The following ARHGAP15 variants were observed in gnomAD, a reference collection of about 807,000 sequenced individuals.
The protein encoded by ARHGAP15 is Rho GTPase activating protein 15, also known as rho GTPase-activating protein 15.
A neutral mutation model predicts 63.7 loss-of-function variants in ARHGAP15; 51 were observed. The ratio of observed to expected loss-of-function variants is 0.80; its 90% CI spans 0.64 to 1.01. ARHGAP15 has a LOEUF of 1.01. Ranked by LOEUF, ARHGAP15 falls within the 50% of genes least tolerant of loss-of-function variation. ARHGAP15 has a pLI of 0.00. For synonymous variants in ARHGAP15, 191 were observed against 193.8 expected, an observed-to-expected ratio of 0.99 and a Z score of 0.12; for missense variants, 560 against 564.6, an observed-to-expected ratio of 0.99 and a Z score of 0.08.
chr2:143,555,061 TATCTC>T (rs2105082920), intron 10 of ARHGAP15, among the ~76,000 whole-genome samples: 1 of 152,274 alleles, frequency 6.6e-6, no homozygotes, highest in Non-Finnish European at 1.5e-5. Flanking sequence ...TTATTGCAAT[TATCTC>T]AAGTAACCCT....
chr2:143,147,520 T>A (rs1341143992), intron 1 of ARHGAP15, among the ~76,000 whole-genome samples: 1 of 152,016 alleles, frequency 6.6e-6, no homozygotes, highest in Non-Finnish European at 1.5e-5. Flanking sequence ...GTAATTACAA[T>A]GGCGCAGGCA....
chr2:143,197,227 T>C (rs1463805354), intron 2 of ARHGAP15, among the ~76,000 whole-genome samples: 1 of 151,982 alleles, frequency 6.6e-6, no homozygotes, highest in Non-Finnish European at 1.5e-5. Flanking sequence ...CACTTACTAT[T>C]AGAAATTACT....
intron 11 of ARHGAP15, among the ~76,000 whole-genome samples, chr2:143,599,139 A>G (rs1449055254): frequency 6.6e-6 from 1 of 152,052 alleles, no homozygotes; most frequent in Non-Finnish European, 1.5e-5. Context: ...ACCAACAGCA[A>G]ATAGGAACAC....
intron 13 of ARHGAP15, among the ~76,000 whole-genome samples, chr2:143,711,687 C>T (rs1360924165): frequency 1.3e-5 from 2 of 152,138 alleles, no homozygotes; most frequent in Non-Finnish European, 2.9e-5. Context: ...CTAGCACTTT[C>T]AGCGGTTGAG....
rs376943739 is a variant in ARHGAP15, at chr2:143,236,115, G to T, written c.384+7447G>T. ...CTCAACAGTTAACAACTCCTACCAG[G>T]TGTCATATAATTTTTTTCTTTTTGT... On this transcript the variant is annotated intron_variant, in intron 5 of 13. Transcript: ENST00000295095. 14 of 1,026,084 alleles carry T rather than the reference G, an allele frequency of 1.4e-5. No homozygotes were observed. In the South Asian group the frequency reaches 2.7e-4, roughly 20 times the overall value. 63.6% of individuals were successfully genotyped at this position (1,026,084 alleles called of 1,614,324 possible).
chr2:143,275,228 TAGG>T (rs1681485430), intron 6 of ARHGAP15, among the ~76,000 whole-genome samples: 1 of 152,036 alleles, frequency 6.6e-6, no homozygotes, highest in Non-Finnish European at 1.5e-5. Context: ...CAGGAGGAGT[TAGG>T]AGAAATATGG....
intron 4 of ARHGAP15, among the ~76,000 whole-genome samples, chr2:143,224,258 C>G (rs372881586): frequency 6.6e-6 from 1 of 151,950 alleles, no homozygotes; most frequent in African/African-American, 2.4e-5. Flanking sequence ...GCTAAGAATA[C>G]CTTAATAACT....
At chr2:143,263,797 T>G (rs1172061525) in intron 6 of ARHGAP15, among the ~76,000 whole-genome samples, 1 of 150,616 alleles carries the variant, frequency 6.6e-6, no homozygotes, top group Non-Finnish European at 1.5e-5. Flanking sequence ...TATTCTAACC[T>G]CAGGCTACCC....
Position 143,453,498 on chromosome 2 carries a change from C to T in ARHGAP15, c.703+16456C>T, listed in dbSNP as rs192824610. 7.9e-5 allele frequency among the ~76,000 whole-genome samples: 12 copies of T among 152,004 alleles called. No homozygotes were observed. The East Asian group carries it at 9.7e-4, about 12-fold the overall frequency. ...AGTACTCAATAAATGTTAATCATAA[C>T]GTTAGTACAAGTATTTTCTTTTCTT... is the stretch of plus-strand genomic sequence containing the variant. On this transcript the variant is annotated intron_variant, in intron 8 of 13. Transcript: ENST00000295095.
At chr2:143,488,754 T>C (rs1339880646) in intron 9 of ARHGAP15, among the ~76,000 whole-genome samples, 1 of 152,244 alleles carries the variant, frequency 6.6e-6, no homozygotes, top group East Asian at 1.9e-4. Flanking sequence ...GGTGAACAGA[T>C]CTGAAAAATT....
chr2:143,389,464 A>C (rs1300771041), intron 6 of ARHGAP15, among the ~76,000 whole-genome samples: 1 of 152,202 alleles, frequency 6.6e-6, no homozygotes, highest in African/African-American at 2.4e-5. Context: ...TAACAACCAG[A>C]TAAATAGAAA....
intron 3 of ARHGAP15, among the ~76,000 whole-genome samples, chr2:143,210,524 CA>C (rs1248378783): frequency 6.6e-6 from 1 of 151,976 alleles, no homozygotes; most frequent in African/African-American, 2.4e-5. Context: ...AAGCACTTGG[CA>C]AAACATAATA....
intron 12 of ARHGAP15, among the ~76,000 whole-genome samples, chr2:143,699,267 G>GCTTTACTATAAC (rs1422820938): frequency 6.6e-6 from 1 of 152,114 alleles, no homozygotes; most frequent in Non-Finnish European, 1.5e-5. Flanking sequence ...AAAAAACACT[G>GCTTTACTATAAC]CTTTACTATA....
At chr2:143,354,841 G>C (rs1243615225) in intron 6 of ARHGAP15, among the ~76,000 whole-genome samples, 1 of 152,120 alleles carries the variant, frequency 6.6e-6, no homozygotes, top group African/African-American at 2.4e-5. Flanking sequence ...TGTTATTGCA[G>C]TAGCATGTTT....
At chr2:143,559,829 A>G (rs1378997779) in intron 11 of ARHGAP15, among the ~76,000 whole-genome samples, 2 of 152,262 alleles carry the variant, frequency 1.3e-5, no homozygotes, top group East Asian at 1.9e-4. Flanking sequence ...ATAAAGTGCT[A>G]TGTAAAGGCA....
At chr2:143,625,584 A>G (rs562002175) in intron 12 of ARHGAP15, among the ~76,000 whole-genome samples, 1 of 152,246 alleles carries the variant, frequency 6.6e-6, no homozygotes, top group African/African-American at 2.4e-5. Context: ...TGACCCCTCT[A>G]CTTCTTCAGA....
chr2:143,279,089 G>A (rs1681715557), intron 6 of ARHGAP15, among the ~76,000 whole-genome samples: 1 of 152,070 alleles, frequency 6.6e-6, no homozygotes, highest in African/African-American at 2.4e-5. Context: ...ACCTCTCTGG[G>A]AAGCTGGGAG....
intron 6 of ARHGAP15, among the ~76,000 whole-genome samples, chr2:143,384,038 C>T (rs1687167205): frequency 1.3e-5 from 2 of 152,176 alleles, no homozygotes; most frequent in South Asian, 4.1e-4. Flanking sequence ...GAAAAGTCAT[C>T]ATTAGGCTCC....
In ARHGAP15 at chr2:143,520,396, G is replaced by T. The variant is rs1206941314; in HGVS notation, c.925+1032G>T. Among the ~76,000 whole-genome samples, 4 of 152,252 alleles carry T rather than the reference G, an allele frequency of 2.6e-5. No homozygotes were observed. The East Asian group carries it at 5.8e-4, about 22-fold the overall frequency. On this transcript the variant is annotated intron_variant, in intron 10 of 13. Coordinates refer to ENST00000295095, the MANE Select transcript of ARHGAP15 (RefSeq NM_018460.4). Reference sequence around the variant, plus strand: ...AATTATACTGTAAGGACAGCCTTGGGATCCTATTATTCCCCTATCAGTAGG... The same window carrying T: ...AATTATACTGTAAGGACAGCCTTGGTATCCTATTATTCCCCTATCAGTAGG...
Sources: allele counts gnomAD v4.1 joint callset (sites outside exome capture counted in the v4.1 genomes callset), GRCh38; gene constraint gnomAD v4.1.1; transcripts MANE v1.5; gene names NCBI Gene and HGNC (gene_info 2026-07-23, HGNC 2026-07-21).